Variants in ATP8A1 observed in about 807,000 individuals in gnomAD.
The protein encoded by ATP8A1 is phospholipid-transporting ATPase IA.
In ATP8A1, 90 loss-of-function variants were observed where a neutral mutation model predicts 177.7. The ratio of observed to expected loss-of-function variants is 0.51; its 90% CI spans 0.43 to 0.60. The LOEUF is 0.60. Ranked by LOEUF, ATP8A1 falls within the 20% of genes least tolerant of loss-of-function variation. The probability of loss-of-function intolerance (pLI) is 0.00; values close to 1 mark genes in which losing one functional copy is unlikely to be tolerated. For synonymous variants in ATP8A1, 493 were observed against 485.9 expected (o/e 1.01, Z -0.19); for missense variants, 1,072 against 1,392.8 (o/e 0.77, Z 3.67).
intron 35 of ATP8A1, among the ~76,000 whole-genome samples, chr4:42,422,587 T>C (rs1349928913): frequency 1.3e-5 from 2 of 152,200 alleles, no homozygotes; most frequent in African/African-American, 4.8e-5. Context: ...CCCCATTTTA[T>C]TGATGAGGAA....
At chr4:42,553,484 T>C (rs1023591915) in intron 16 of ATP8A1, among the ~76,000 whole-genome samples, 2 of 152,272 alleles carry the variant, frequency 1.3e-5, no homozygotes, top group East Asian at 3.9e-4. Context: ...CAGAAGGGTG[T>C]ATCCTTTCTG....
At chr4:42,580,404 G>C (rs569035665) in intron 10 of ATP8A1, among the ~76,000 whole-genome samples, 181 of 152,306 alleles carry the variant, frequency 1.2e-3, no homozygotes, top group African/African-American at 4.2e-3. Flanking sequence ...ACATAGGAAG[G>C]CAACATTTAA....
In ATP8A1 at chr4:42,495,614, GTT is replaced by G. The variant is rs67918221; in HGVS notation, c.2151+7834_2151+7835del. Among the ~76,000 whole-genome samples the G allele has an allele frequency of 7.7e-3, 1,131 of 146,558 alleles. 42 individuals carry two copies. The highest frequency in any genetic ancestry group is 0.067 in the Admixed American group (979 of 14,546). On this transcript the variant is annotated intron_variant, in intron 24 of 36. Coordinates refer to ENST00000381668, the MANE Select transcript of ATP8A1 (RefSeq NM_006095.2). ...TTATTTTAAAAAATTGTATTTATTG[GTT>G]TTTTTTTTTTGATGTAGTTTTTGAT...
intron 4 of ATP8A1, among the ~76,000 whole-genome samples, chr4:42,616,996 T>G (rs7657456): frequency 2.0e-5 from 3 of 152,094 alleles, no homozygotes; most frequent in African/African-American, 7.2e-5. Flanking sequence ...GCTCAAAGAT[T>G]GTATCATACA....
intron 27 of ATP8A1, among the ~76,000 whole-genome samples, chr4:42,461,601 T>C (rs1719166808): frequency 6.6e-6 from 1 of 152,150 alleles, no homozygotes; most frequent in Admixed American, 6.6e-5. Context: ...CCTCTTTCTT[T>C]TGTAAATTGC....
At chr4:42,638,982 T>C (rs895390269) in intron 1 of ATP8A1, among the ~76,000 whole-genome samples, 2 of 152,206 alleles carry the variant, frequency 1.3e-5, no homozygotes, top group Non-Finnish European at 2.9e-5. Flanking sequence ...AAAGAGTTTT[T>C]GACTGTCAAA....
chr4:42,600,597 A>G (rs1396567258), intron 5 of ATP8A1, 79 bp from the exon 6 acceptor site: 25 of 1,320,070 alleles, frequency 1.9e-5, no homozygotes, highest in Admixed American at 8.8e-5. Flanking sequence ...ATAATTTTAA[A>G]CGAATAGCTT....
intron 22 of ATP8A1, among the ~76,000 whole-genome samples, chr4:42,507,729 C>CAAA (rs34269384): frequency 0.031 from 278 of 8,902 alleles, 42 homozygotes; most frequent in South Asian, 0.045. Flanking sequence ...GACTCCATCT[C>CAAA]AAAAAAAAAA....
chr4:42,414,323 CA>C (rs1712975986), intron 36 of ATP8A1, among the ~76,000 whole-genome samples: 1 of 152,134 alleles, frequency 6.6e-6, no homozygotes, highest in Admixed American at 6.5e-5. Context: ...GATAACAAGA[CA>C]GGGGCAGCTT....
intron 6 of ATP8A1, among the ~76,000 whole-genome samples, chr4:42,593,447 C>T (rs1425240515): frequency 6.6e-6 from 1 of 151,898 alleles, no homozygotes; most frequent in African/African-American, 2.4e-5. Flanking sequence ...AGACTTACTT[C>T]TATAAATATC....
chr4:42,652,201 CTTG>C (rs1370334063), intron 1 of ATP8A1, among the ~76,000 whole-genome samples: 1 of 152,096 alleles, frequency 6.6e-6, no homozygotes, highest in Non-Finnish European at 1.5e-5. Flanking sequence ...TCCCAATTTC[CTTG>C]TTGTTTAATA....
At chr4:42,638,277 C>G (rs1448689576) in intron 1 of ATP8A1, among the ~76,000 whole-genome samples, 1 of 152,064 alleles carries the variant, frequency 6.6e-6, no homozygotes, top group Non-Finnish European at 1.5e-5. Flanking sequence ...TAAAAATAAA[C>G]AAGTGTAAAA....
At chr4:42,430,674 ACGTGT>A (rs984271262) in intron 33 of ATP8A1, among the ~76,000 whole-genome samples, 49 of 151,800 alleles carry the variant, frequency 3.2e-4, no homozygotes, top group African/African-American at 1.1e-3. Flanking sequence ...GCTCCCCTCT[ACGTGT>A]CCATGTGTTG....
intron 6 of ATP8A1, among the ~76,000 whole-genome samples, chr4:42,597,479 G>C (rs1481197250): frequency 6.6e-6 from 1 of 152,018 alleles, no homozygotes; most frequent in Non-Finnish European, 1.5e-5. Context: ...TGTCTTGCTT[G>C]CTGCTTTAAG....
intron 1 of ATP8A1, among the ~76,000 whole-genome samples, chr4:42,627,520 T>G (rs1363388512): frequency 6.6e-6 from 1 of 152,234 alleles, no homozygotes; most frequent in Non-Finnish European, 1.5e-5. Context: ...TTCTGGGTTT[T>G]TTCCCAGATG....
chr4:42,579,695 A>G (rs936017113), intron 11 of ATP8A1, 118 bp downstream of exon 11: 14 of 925,254 alleles, frequency 1.5e-5, no homozygotes, highest in Non-Finnish European at 2.3e-5. Context: ...TCAAATGTCC[A>G]GCTATCTTGG....
At chr4:42,491,871 A>G (rs1203634670) in intron 24 of ATP8A1, among the ~76,000 whole-genome samples, 3 of 152,202 alleles carry the variant, frequency 2.0e-5, no homozygotes, top group African/African-American at 4.8e-5. Context: ...ACACCCTAGT[A>G]GAGAATGTGG....
chr4:42,484,198 T>C (rs1320451674), intron 25 of ATP8A1, among the ~76,000 whole-genome samples: 1 of 152,190 alleles, frequency 6.6e-6, no homozygotes, highest in Non-Finnish European at 1.5e-5. Context: ...TTAAAAAGCA[T>C]GAGAATACCA....
chr4:42,507,729 C>CAAAA (rs34269384), intron 22 of ATP8A1, among the ~76,000 whole-genome samples: 246 of 8,904 alleles, frequency 0.028, 42 homozygotes, highest in African/African-American at 0.035. Context: ...GACTCCATCT[C>CAAAA]AAAAAAAAAA....
Sources: gnomAD v4.1 joint callset for allele counts (sites outside exome capture counted in the v4.1 genomes callset) on GRCh38, gnomAD v4.1.1 for gene constraint, MANE v1.5 for transcripts, NCBI Gene and HGNC (gene_info 2026-07-23, HGNC 2026-07-21) for gene names.